The following ANKDD1A variants were observed in gnomAD, a reference collection of about 807,000 sequenced individuals.
The protein encoded by ANKDD1A is ankyrin repeat and death domain containing 1A, also known as ankyrin repeat and death domain-containing protein 1A.
Under a neutral mutation model 63.5 loss-of-function variants are expected in ANKDD1A, and 59 were observed. The ratio of observed to expected loss-of-function variants is 0.93; its 90% confidence interval spans 0.75 to 1.15. ANKDD1A has a LOEUF of 1.15. ANKDD1A is among the 50% of genes most tolerant of loss of function. The pLI is 0.00. For synonymous variants in ANKDD1A, 266 were observed against 263.9 expected (o/e 1.01, Z -0.08); for missense variants, 632 against 656.4 (o/e 0.96, Z 0.41).
chr15:64,948,031 G>A (rs532273250), intron 13 of ANKDD1A, among the ~76,000 whole-genome samples: 3 of 102,478 alleles, frequency 2.9e-5, no homozygotes, highest in East Asian at 6.0e-4. Flanking sequence ...TACATAGGAC[G>A]TCCAGAGGAA....
At position 64,931,517 on chromosome 15, in the gene ANKDD1A, G is replaced by A; in HGVS notation, c.700G>A (p.Gly234Arg). Residue 234 changes from glycine (G) to arginine (R), a missense_variant, in exon 8 of 15, where the codon GGA becomes AGA. Gly to Arg is a moderately radical substitution (Grantham distance 125). Coordinates refer to ENST00000319580, the MANE Select transcript of ANKDD1A (RefSeq NM_182703.6). ...EGLTALHSAAGGSHPDCVQLL... is the reference protein window; with the variant it reads ...EGLTALHSAARGSHPDCVQLL... Reference sequence around the variant, plus strand: ...TCTGACTGCCCTGCATTCGGCTGCTGGAGGATCCCACCCTGACTGTGTGCA... The same window carrying A: ...TCTGACTGCCCTGCATTCGGCTGCTAGAGGATCCCACCCTGACTGTGTGCA... The A allele has an allele frequency of 6.2e-7, 1 of 1,614,080 alleles. No individual in the cohort carries two copies. The highest frequency in any genetic ancestry group is 1.3e-5 in the African/African-American group (1 of 75,036).
chr15:64,927,084 G>T, intron 6 of ANKDD1A, 85 bp downstream of exon 6: 1 of 1,405,600 alleles, frequency 7.1e-7, no homozygotes, highest in Non-Finnish European at 1.0e-6. Flanking sequence ...CTGTGTCCAC[G>T]TCTGACTCCG....
intron 14 of ANKDD1A, among the ~76,000 whole-genome samples, chr15:64,956,786 A>C (rs1448512300): frequency 6.6e-6 from 1 of 152,092 alleles, no homozygotes; most frequent in Non-Finnish European, 1.5e-5. Flanking sequence ...CTCCTGACCT[A>C]AGGTGACCCA....
chr15:64,955,920 C>T (rs1173366559), intron 14 of ANKDD1A, among the ~76,000 whole-genome samples: 1 of 152,102 alleles, frequency 6.6e-6, no homozygotes, highest in East Asian at 1.9e-4. Flanking sequence ...AAATGATAGA[C>T]ATACAAGGTT....
intron 12 of ANKDD1A, among the ~76,000 whole-genome samples, chr15:64,945,699 C>T (rs2085218120): frequency 7.1e-6 from 1 of 140,668 alleles, no homozygotes; most frequent in South Asian, 2.2e-4. Context: ...GTGGTGCGAT[C>T]TCAGCTTGCC....
chr15:64,912,391 A>C (rs2084938242), intron 1 of ANKDD1A, among the ~76,000 whole-genome samples: 1 of 152,230 alleles, frequency 6.6e-6, no homozygotes, highest in Admixed American at 6.5e-5. Flanking sequence ...TCAAGGTCAC[A>C]CAGCCATTGA....
At chr15:64,926,197 A>G in intron 5 of ANKDD1A, 27 bp downstream of exon 5, 2 of 1,608,278 alleles carry the variant, frequency 1.2e-6, no homozygotes, top group Non-Finnish European at 1.7e-6. Flanking sequence ...GCTACTCATC[A>G]TTCCCATTGG....
intron 14 of ANKDD1A, among the ~76,000 whole-genome samples, chr15:64,953,050 CTCTTT>C (rs1566917228): frequency 1.4e-5 from 2 of 144,546 alleles, no homozygotes; most frequent in African/African-American, 2.6e-5. Context: ...CTTCTTTCCT[CTCTTT>C]TTTCTTCCTC....
chr15:64,946,353 G>C (rs1229006238), intron 12 of ANKDD1A, among the ~76,000 whole-genome samples: 1 of 152,104 alleles, frequency 6.6e-6, no homozygotes, highest in Non-Finnish European at 1.5e-5. Flanking sequence ...CACTGTTTCA[G>C]AATCAATTGG....
intron 13 of ANKDD1A, among the ~76,000 whole-genome samples, chr15:64,948,617 G>A (rs1047602025): frequency 3.3e-5 from 5 of 152,118 alleles, no homozygotes; most frequent in Admixed American, 2.6e-4. Flanking sequence ...CTGAGGTTAG[G>A]AGTTTGAGAC....
chr15:64,952,519 T>TCTTCTTTCTC (rs1555366970), intron 14 of ANKDD1A, among the ~76,000 whole-genome samples: 2 of 145,040 alleles, frequency 1.4e-5, no homozygotes, highest in African/African-American at 2.6e-5. Flanking sequence ...CTTACTTTCT[T>TCTTCTTTCTC]CTTCCTTCGT....
chr15:64,943,691 T>C, intron 11 of ANKDD1A, 109 bp downstream of exon 11: 1 of 1,046,388 alleles, frequency 9.6e-7, no homozygotes, highest in Non-Finnish European at 1.5e-6. Context: ...GTTCAAGGAC[T>C]GTCATCCTTT....
intron 4 of ANKDD1A, among the ~76,000 whole-genome samples, chr15:64,923,000 G>C (rs775756230): frequency 2.0e-5 from 3 of 152,180 alleles, no homozygotes; most frequent in African/African-American, 7.2e-5. Flanking sequence ...TAACGGGTCA[G>C]TAAGGAAACA....
intron 14 of ANKDD1A, among the ~76,000 whole-genome samples, chr15:64,956,587 C>T (rs943189014): frequency 1.1e-4 from 17 of 152,162 alleles, no homozygotes; most frequent in Admixed American, 3.3e-4. Flanking sequence ...CAGAGTTTCA[C>T]GCTTGTTGCC....
At chr15:64,925,183 G>A (rs1007789119) in intron 4 of ANKDD1A, among the ~76,000 whole-genome samples, 3 of 136,216 alleles carry the variant, frequency 2.2e-5, no homozygotes, top group Non-Finnish European at 3.0e-5. Context: ...AGCCGAGATC[G>A]CACCACTGTA....
chr15:64,951,020 A>T, intron 14 of ANKDD1A: 1 of 1,271,842 alleles, frequency 7.9e-7, no homozygotes, highest in Non-Finnish European at 1.0e-6. Flanking sequence ...ATGTAACCGG[A>T]GGGGCCAGAC....
At chr15:64,936,913 T>A (rs1315845725) in intron 9 of ANKDD1A, among the ~76,000 whole-genome samples, 1 of 151,878 alleles carries the variant, frequency 6.6e-6, no homozygotes, top group Non-Finnish European at 1.5e-5. Context: ...AAGAGAAAAA[T>A]GGCCAAAGGT....
chr15:64,954,031 TTCTTCTTCCTCTTCTTCTTTTCTCCTTC>T (rs1595860856), intron 14 of ANKDD1A, among the ~76,000 whole-genome samples: 12 of 120,632 alleles, frequency 9.9e-5, no homozygotes, highest in Admixed American at 2.7e-4. Context: ...CTTCTTTTCT[TTCTTCTTCCTCTTCTTCTTTTCTCCTTC>T]TTCTTTCTTC....
intron 10 of ANKDD1A, 38 bp downstream of exon 10, chr15:64,942,603 T>G: frequency 6.4e-7 from 1 of 1,563,494 alleles, no homozygotes. Context: ...CCCAGGGAGC[T>G]TCTGGAAACC....
Sources: allele counts gnomAD v4.1 joint callset (sites outside exome capture counted in the v4.1 genomes callset), GRCh38; gene constraint gnomAD v4.1.1; transcripts MANE v1.5; gene names NCBI Gene and HGNC (gene_info 2026-07-23, HGNC 2026-07-21).